YES1: variants seen among roughly 807,000 people sequenced by gnomAD.
The protein encoded by YES1 is YES proto-oncogene 1, Src family tyrosine kinase.
A neutral mutation model predicts 70.4 loss-of-function variants in YES1; 39 were observed. The ratio of observed to expected loss-of-function variants is 0.55; its 90% CI spans 0.43 to 0.72. The LOEUF is 0.72. Ranked by LOEUF, YES1 falls within the 30% of genes least tolerant of loss-of-function variation. The probability of loss-of-function intolerance (pLI) is 0.00; values close to 1 mark genes in which losing one functional copy is unlikely to be tolerated. For synonymous variants in YES1, 198 were observed against 218.6 expected, an observed-to-expected ratio of 0.91 and a Z score of 0.83; for missense variants, 495 against 644.8, an observed-to-expected ratio of 0.77 and a Z score of 2.52.
intron 1 of YES1, among the ~76,000 whole-genome samples, chr18:772,933 AAT>A (rs1905222067): frequency 6.6e-6 from 1 of 152,176 alleles, no homozygotes; most frequent in Non-Finnish European, 1.5e-5. Context: ...AAAGCAAAAT[AAT>A]ATAAACTGCT....
intron 1 of YES1, among the ~76,000 whole-genome samples, chr18:765,290 A>C (rs1298734325): frequency 5.8e-4 from 73 of 125,350 alleles, no homozygotes; most frequent in Non-Finnish European, 1.0e-3. Context: ...ATATATATAT[A>C]TATCTGTAGC....
At chr18:733,726 T>A (rs571365645) in intron 10 of YES1, among the ~76,000 whole-genome samples, 1 of 128,696 alleles carries the variant, frequency 7.8e-6, no homozygotes, top group South Asian at 2.4e-4. Context: ...GAGCTTGCAG[T>A]GAGCTGAGAT....
intron 1 of YES1, among the ~76,000 whole-genome samples, chr18:783,450 T>C (rs1905778415): frequency 6.6e-6 from 1 of 151,770 alleles, no homozygotes; most frequent in Non-Finnish European, 1.5e-5. Flanking sequence ...TCTAAAGGAA[T>C]TAATATGAAT....
chr18:725,614 C>T (rs1189056588), intron 11 of YES1, among the ~76,000 whole-genome samples: 1 of 152,136 alleles, frequency 6.6e-6, no homozygotes. Flanking sequence ...TCTGGCCGGG[C>T]ACAGTGGCTC....
intron 1 of YES1, among the ~76,000 whole-genome samples, chr18:783,457 G>C (rs1905778958): frequency 6.6e-6 from 1 of 151,902 alleles, no homozygotes; most frequent in African/African-American, 2.4e-5. Context: ...GAATTAATAT[G>C]AATGCAATGT....
chr18:807,631 A>G (rs2145844908), intron 1 of YES1, among the ~76,000 whole-genome samples: 1 of 152,366 alleles, frequency 6.6e-6, no homozygotes, highest in East Asian at 1.9e-4. Context: ...ATTGCCATAT[A>G]TAGCTGATAA....
chr18:745,992 T>C lies in YES1; in HGVS notation c.530A>G (p.Asn177Ser), dbSNP rs372906108. The change falls in exon 5 of 12, where the codon AAT (asparagine) becomes AGT (serine). Residue 177 changes from asparagine to serine, a missense_variant. Coordinates refer to ENST00000314574, the MANE Select transcript of YES1 (RefSeq NM_005433.4). ...DAERLLLNPG[N>S]QRGIFLVRES... ...TCTTACTAAGAAAATACCTCGTTGA[T>C]TTCCAGGATTCAAAAGTAATCTTTC... 5 of 1,613,142 alleles carry C rather than the reference T, an allele frequency of 3.1e-6. No homozygotes were observed. The highest frequency in any genetic ancestry group is 1.7e-5 in the Admixed American group (1 of 59,988).
intron 11 of YES1, 147 bp from the exon 12 acceptor site, chr18:724,779 T>A: frequency 1.6e-6 from 1 of 637,772 alleles, no homozygotes; most frequent in South Asian, 2.3e-5. Flanking sequence ...ATTTTAAACA[T>A]GAGAATATCA....
intron 3 of YES1, among the ~76,000 whole-genome samples, 186 bp downstream of exon 3, chr18:751,519 G>GT (rs1438929430): frequency 6.6e-6 from 1 of 152,170 alleles, no homozygotes; most frequent in Admixed American, 6.5e-5. Context: ...AATTGTAGAA[G>GT]TAATAACTTC....
At chr18:753,343 T>A (rs2080365754) in intron 2 of YES1, among the ~76,000 whole-genome samples, 1 of 152,186 alleles carries the variant, frequency 6.6e-6, no homozygotes, top group Non-Finnish European at 1.5e-5. Context: ...AAGAATACAA[T>A]ATATTGTTAT....
At chr18:799,447 C>A (rs772020145) in intron 1 of YES1, among the ~76,000 whole-genome samples, 12 of 152,198 alleles carry the variant, frequency 7.9e-5, no homozygotes, top group Admixed American at 7.9e-4. Flanking sequence ...TGGTGGCTCA[C>A]GCCTGTAATC....
chr18:757,513 A>G (rs1904353067), intron 1 of YES1, among the ~76,000 whole-genome samples: 1 of 147,640 alleles, frequency 6.8e-6, no homozygotes, highest in African/African-American at 2.5e-5. Context: ...AAAAAAAAAA[A>G]AAAAAGAAAG....
chr18:746,330 A>C (rs747077803), intron 4 of YES1, among the ~76,000 whole-genome samples: 1 of 152,220 alleles, frequency 6.6e-6, no homozygotes, highest in African/African-American at 2.4e-5. Flanking sequence ...AGGGAAAGGC[A>C]GCAAAATAAC....
At chr18:770,538 C>CT in intron 1 of YES1, among the ~76,000 whole-genome samples, 1 of 152,292 alleles carries the variant, frequency 6.6e-6, no homozygotes, top group East Asian at 1.9e-4. Context: ...TCCTGCTGAA[C>CT]TTTGCCCTAC....
intron 1 of YES1, among the ~76,000 whole-genome samples, chr18:780,526 C>T (rs751392942): frequency 1.8e-4 from 28 of 152,144 alleles, no homozygotes; most frequent in Non-Finnish European, 3.4e-4. Flanking sequence ...AAGCCCTTCT[C>T]ATATGCCACC....
Position 722,631 on chromosome 18 carries a change from G to A in YES1, c.*1793C>T. 1 of 152,086 alleles carries A rather than the reference G, an allele frequency of 6.6e-6. No homozygotes were observed. Among genetic ancestry groups the A allele is most frequent in the Non-Finnish European group, 1.5e-5 (1 of 68,002 alleles). The allele number at this position is 152,086 out of a possible 1,614,324, so 9.4% of individuals were successfully genotyped here. On this transcript the variant is annotated 3_prime_UTR_variant, in exon 12 of 12. Coordinates refer to ENST00000314574, the MANE Select transcript of YES1 (RefSeq NM_005433.4). Reference sequence around the variant, plus strand: ...TTCAAATCTGTATTTTGAAATTACTGAGTTACTCTTAAAAATTAGTCTTAT... The same window carrying A: ...TTCAAATCTGTATTTTGAAATTACTAAGTTACTCTTAAAAATTAGTCTTAT...
Position 753,169 on chromosome 18 carries a change from TATATTA to T in YES1, c.272-1371_272-1366del, listed in dbSNP as rs551496420. The stretch of plus-strand genomic sequence containing the variant: ...GGTATTCAGGTTAAAAACTCCATAA[TATATTA>T]ATATTCTTTTAAAAAACTGTATATA... On this transcript the variant is annotated intron_variant, in intron 2 of 11. Transcript: ENST00000314574. Among the ~76,000 whole-genome samples, 138 of 152,286 alleles carry T rather than the reference TATATTA, an allele frequency of 9.1e-4. 1 individual carries two copies. The highest frequency in any genetic ancestry group is 3.2e-3 in the African/African-American group (134 of 41,562).
At chr18:743,921 A>G (rs1308982101) in intron 6 of YES1, among the ~76,000 whole-genome samples, 3 of 148,334 alleles carry the variant, frequency 2.0e-5, no homozygotes, top group African/African-American at 7.4e-5. Context: ...AAAAAAAAAT[A>G]TATATATATA....
intron 6 of YES1, among the ~76,000 whole-genome samples, chr18:743,906 GAAAA>G (rs1032600928): frequency 1.2e-4 from 14 of 113,796 alleles, no homozygotes; most frequent in South Asian, 2.9e-4. Flanking sequence ...ATTCTGACTC[GAAAA>G]AAAAAAAAAT....
Sources: allele counts gnomAD v4.1 joint callset (sites outside exome capture counted in the v4.1 genomes callset), GRCh38; gene constraint gnomAD v4.1.1; transcripts MANE v1.5; gene names NCBI Gene and HGNC (gene_info 2026-07-23, HGNC 2026-07-21).